The following LZTS1 variants were observed in gnomAD, a reference collection of about 807,000 sequenced individuals.
LZTS1 encodes the protein leucine zipper putative tumor suppressor 1.
Under a neutral mutation model 45.8 loss-of-function variants are expected in LZTS1, and 31 were observed. The observed-to-expected ratio is 0.68, with a 90% CI of 0.51 to 0.91. LZTS1 has a LOEUF of 0.91. LZTS1 is among the 40% of genes least tolerant of loss of function. The pLI is 0.00. For missense variants in LZTS1, 821 were observed against 788.9 expected, an observed-to-expected ratio of 1.04 and a Z score of -0.49; for synonymous variants, 359 against 357.3, an observed-to-expected ratio of 1.00 and a Z score of -0.05.
intron 1 of LZTS1, among the ~76,000 whole-genome samples, chr8:20,278,444 G>A (rs1224951510): frequency 6.6e-6 from 1 of 152,190 alleles, no homozygotes; most frequent in East Asian, 1.9e-4. Context: ...GCAACAGGAA[G>A]ATGCCAACAT....
chr8:20,250,665 C>T (rs1485186280), intron 3 of LZTS1, among the ~76,000 whole-genome samples: 3 of 152,124 alleles, frequency 2.0e-5, no homozygotes, highest in Non-Finnish European at 2.9e-5. Context: ...GGTGTAGTGG[C>T]GTGATCTTGG....
At chr8:20,263,113 T>C (rs1800276255) in intron 1 of LZTS1, among the ~76,000 whole-genome samples, 1 of 152,224 alleles carries the variant, frequency 6.6e-6, no homozygotes, top group Non-Finnish European at 1.5e-5. Flanking sequence ...CTCTCTGAGA[T>C]GCTCTGTTGA....
chr8:20,294,064 T>C (rs770436115), intron 1 of LZTS1, among the ~76,000 whole-genome samples: 1 of 152,050 alleles, frequency 6.6e-6, no homozygotes, highest in Non-Finnish European at 1.5e-5. Context: ...AGGATATGGA[T>C]AGAGTGGTTT....
chr8:20,269,289 CAG>C lies in LZTS1; in HGVS notation c.-134-13976_-134-13975del, dbSNP rs1377019501. Among the ~76,000 whole-genome samples, 9 of 152,240 alleles carry C rather than the reference CAG, an allele frequency of 5.9e-5. No individual in the cohort carries two copies. The South Asian group carries it at 1.9e-3, about 32-fold the overall frequency. ...GACGACCCGTGATACAGATCTTAAA[CAG>C]GGGAGTGGGTGCAATCTCCAGAGGA... On this transcript the variant is annotated intron_variant, in intron 1 of 3. Transcript: ENST00000381569.
At chr8:20,301,809 G>C (rs1186916403) in intron 1 of LZTS1, among the ~76,000 whole-genome samples, 2 of 152,058 alleles carry the variant, frequency 1.3e-5, no homozygotes, top group African/African-American at 4.8e-5. Context: ...GGCACACACA[G>C]CTGGGGGCAC....
At chr8:20,287,825 C>T (rs377637932) in intron 1 of LZTS1, among the ~76,000 whole-genome samples, 1 of 135,974 alleles carries the variant, frequency 7.4e-6, no homozygotes, top group East Asian at 2.3e-4. Context: ...ACTTGGGGGG[C>T]TGAGGCAGGA....
At chr8:20,255,449 G>T in intron 1 of LZTS1, 134 bp from the exon 2 acceptor site, 1 of 520,722 alleles carries the variant, frequency 1.9e-6, no homozygotes, top group Non-Finnish European at 3.2e-6. Flanking sequence ...CGGGTGCTCC[G>T]TTCCTTCTTC....
chr8:20,252,673 T>C (rs1043880042), intron 3 of LZTS1, 109 bp downstream of exon 3: 28 of 963,684 alleles, frequency 2.9e-5, no homozygotes, highest in Non-Finnish European at 3.8e-5. Flanking sequence ...TTAGCCCCGC[T>C]TGCCTGCGCG....
intron 1 of LZTS1, among the ~76,000 whole-genome samples, chr8:20,291,843 G>T (rs1035020946): frequency 9.2e-5 from 14 of 151,902 alleles, no homozygotes; most frequent in African/African-American, 3.1e-4. Flanking sequence ...CAAAATCATG[G>T]TTTTTTTTGC....
rs372042992 is a variant in LZTS1, at chr8:20,254,827, C to T, written c.345+10G>A. The T allele has an allele frequency of 6.9e-6, 11 of 1,592,914 alleles. No individual in the cohort carries two copies. Among genetic ancestry groups the T allele is most frequent in the African/African-American group, 5.4e-5 (4 of 74,328 alleles). ...CAACCCACTTACCCTTGCCAGCGAC[C>T]CCCGCTTACCATTTCTAGCTGATTG... On this transcript the variant is annotated intron_variant, in intron 2 of 3. Coordinates refer to ENST00000381569, the MANE Select transcript of LZTS1 (RefSeq NM_021020.5).
chr8:20,303,783 C>T lies in LZTS1; in HGVS notation c.-178G>A. The T allele has an allele frequency of 1.0e-6, 1 of 985,046 alleles. No homozygotes were observed. Among genetic ancestry groups the T allele is most frequent in the East Asian group, 1.1e-4 (1 of 8,754 alleles). 61.0% of individuals were successfully genotyped at this position (985,046 alleles called of 1,614,324 possible). A position where few individuals can be genotyped will look rare whatever the true frequency, so the allele number is the denominator to read the frequency against. On this transcript the variant is annotated 5_prime_UTR_variant, in exon 1 of 4. Transcript: ENST00000381569. ...GCGCACTTGAGACTTTTTTTTTTTC[C>T]CAGTGTTTCCCGGTGTGTTCCCGTC...
At position 20,250,377 on chromosome 8, in the gene LZTS1, G is replaced by C. The variant is rs750261217; in HGVS notation, c.1150-14C>G. The stretch of plus-strand genomic sequence containing the variant: ...CTTCTGGCACACCTGCCGAGGGTGG[G>C]GTGGAGACAGAGTGCCAAGAGGTGA... On this transcript the variant is annotated splice_polypyrimidine_tract_variant and intron_variant, in intron 3 of 3. Transcript: ENST00000381569. 3 of 1,574,506 alleles carry C rather than the reference G, an allele frequency of 1.9e-6. No homozygotes were observed. Among genetic ancestry groups the C allele is most frequent in the East Asian group, 4.5e-5 (2 of 44,412 alleles).
At chr8:20,263,537 C>T (rs1342239154) in intron 1 of LZTS1, among the ~76,000 whole-genome samples, 3 of 152,158 alleles carry the variant, frequency 2.0e-5, no homozygotes, top group Non-Finnish European at 2.9e-5. Flanking sequence ...GAACAAATAA[C>T]GTGGTCTTGG....
At chr8:20,250,805 G>C (rs539564490) in intron 3 of LZTS1, among the ~76,000 whole-genome samples, 1 of 151,858 alleles carries the variant, frequency 6.6e-6, no homozygotes, top group East Asian at 2.0e-4. Context: ...CCTCATGTTG[G>C]CCAGGCTGAT....
Position 20,253,362 on chromosome 8 carries a change from C to T in LZTS1, c.569G>A (p.Ser190Asn), listed in dbSNP as rs1378733029. Reference protein sequence around the residue: ...SSLPTHSTSSSYQLDPLVTPV... With the variant: ...SSLPTHSTSSNYQLDPLVTPV... The stretch of plus-strand genomic sequence containing the variant: ...TGTGACCAGCGGGTCCAGCTGGTAG[C>T]TGCTGCTGGTGCTGTGTGTGGGCAG... Residue 190 changes from serine (S) to asparagine (N), a missense_variant, in exon 3 of 4, where the codon AGC (serine) becomes AAC (asparagine). Transcript: ENST00000381569. 6.2e-7 allele frequency: 1 copy of T among 1,613,536 alleles called. No individual in the cohort carries two copies. Among genetic ancestry groups the T allele is most frequent in the Admixed American group, 1.7e-5 (1 of 60,008 alleles).
intron 1 of LZTS1, among the ~76,000 whole-genome samples, chr8:20,291,076 T>C (rs1470406238): frequency 6.6e-6 from 1 of 152,250 alleles, no homozygotes; most frequent in East Asian, 1.9e-4. Context: ...AGCTGAGTCC[T>C]GACCTCAGGA....
chr8:20,253,687 C>G, intron 2 of LZTS1, 102 bp from the exon 3 acceptor site: 1 of 883,282 alleles, frequency 1.1e-6, no homozygotes, highest in Non-Finnish European at 1.6e-6. Context: ...TCTGGGCTCT[C>G]TGAGCGCACG....
At chr8:20,300,393 T>C (rs1801054394) in intron 1 of LZTS1, among the ~76,000 whole-genome samples, 1 of 152,088 alleles carries the variant, frequency 6.6e-6, no homozygotes, top group Non-Finnish European at 1.5e-5. Context: ...AGTGCAGTGA[T>C]GTGATCTCGG....
chr8:20,274,971 G>GTGTGTGTGTGTGTA (rs1265180011), intron 1 of LZTS1, among the ~76,000 whole-genome samples: 4 of 151,946 alleles, frequency 2.6e-5, no homozygotes, highest in Non-Finnish European at 5.9e-5. Context: ...CTGTGTGTGT[G>GTGTGTGTGTGTGTA]TGTGTGTGTG....
Sources: gnomAD v4.1 joint callset for allele counts (sites outside exome capture counted in the v4.1 genomes callset) on GRCh38, gnomAD v4.1.1 for gene constraint, MANE v1.5 for transcripts, NCBI Gene and HGNC (gene_info 2026-07-23, HGNC 2026-07-21) for gene names.